Variants in UNC13A observed in about 807,000 individuals in gnomAD.
UNC13A encodes unc-13 homolog A.
A neutral mutation model predicts 219.7 loss-of-function variants in UNC13A; 61 were observed. That is an observed-to-expected ratio of 0.28 (90% CI 0.23 to 0.34). The LOEUF is 0.34. Among genes scored for constraint, UNC13A ranks in the 10% least tolerant of loss-of-function variants. The probability of loss-of-function intolerance (pLI) is 1.00; values close to 1 mark genes in which losing one functional copy is unlikely to be tolerated. For synonymous variants in UNC13A, 920 were observed against 884.6 expected (o/e 1.04, Z -0.71); for missense variants, 1,476 against 2,270.3 (o/e 0.65, Z 7.11).
rs770013699 is a variant in UNC13A at position 17,623,507 on chromosome 19, C to T, written c.4203+35G>A. The T allele has an allele frequency of 4.4e-5, 67 of 1,519,916 alleles. 1 individual carries two copies. The South Asian group carries it at 7.1e-4, about 16-fold the overall frequency. The allele number at this position is 1,519,916 out of a possible 1,614,324, so 94.2% of individuals were successfully genotyped here. ...GGGCCGAGTCCAGACACAGAGAGGA[C>T]GGACAGACAGACGGACAGACGGGAC... On this transcript the variant is annotated intron_variant, in intron 36 of 43. Coordinates refer to ENST00000519716, the MANE Select transcript of UNC13A (RefSeq NM_001080421.3).
intron 8 of UNC13A, among the ~76,000 whole-genome samples, chr19:17,663,056 C>T (rs1415614703): frequency 6.6e-6 from 1 of 151,868 alleles, no homozygotes; most frequent in Admixed American, 6.6e-5. Context: ...GCTGAGGTCC[C>T]TGTGTGCATC....
intron 8 of UNC13A, among the ~76,000 whole-genome samples, chr19:17,660,437 C>T (rs1456182150): frequency 6.6e-5 from 10 of 152,158 alleles, no homozygotes; most frequent in African/African-American, 2.2e-4. Context: ...TTTAACCCAA[C>T]GGTCTGTTTT....
At position 17,649,139 on chromosome 19, in the gene UNC13A, A is replaced by G. The variant is rs190764871; in HGVS notation, c.1525-156T>C. On this transcript the variant is annotated intron_variant, in intron 14 of 43. Coordinates refer to ENST00000519716, the MANE Select transcript of UNC13A (RefSeq NM_001080421.3). This position sits in a 1 kb window ranked among gnomAD's most constrained non-coding sequence, Gnocchi z 4.4. ...CGACAGCATCCGGGCCAGACCCAAC[A>G]AAGAATTAGGAGGTGACAGAGGCTT... Among the ~76,000 whole-genome samples, 3 of 152,270 alleles carry G rather than the reference A, an allele frequency of 2.0e-5. No homozygotes were observed. The East Asian group carries it at 5.8e-4, about 29-fold the overall frequency.
intron 5 of UNC13A, among the ~76,000 whole-genome samples, chr19:17,668,811 T>C (rs2079715977): frequency 6.6e-6 from 1 of 151,976 alleles, no homozygotes; most frequent in Non-Finnish European, 1.5e-5. Context: ...TTTTATTTTT[T>C]TAGAGACAGG....
chr19:17,617,777 G>A lies in UNC13A; in HGVS notation c.4483C>T (p.Arg1495Cys), dbSNP rs761070420. ...TGCGTGTAGAGCGACAGGGCATAGC[G>A]CAAGGATTGCAGGTCCGGGCTCTTC... ...LEKSPDLQSL[R>C]YALSLYTQAT... Residue 1495 changes from arginine to cysteine, a missense_variant, in exon 41 of 44, where the codon CGC becomes TGC. By Grantham distance (180) the Arg-to-Cys change is radical. Around this residue, in one of 14 missense-constraint regions of UNC13A, gnomAD observed 77 missense variants for 94.8 expected, o/e 0.81. Coordinates refer to ENST00000519716, the MANE Select transcript of UNC13A (RefSeq NM_001080421.3). 4 of 1,613,434 alleles carry A rather than the reference G, an allele frequency of 2.5e-6. No individual in the cohort carries two copies. Among genetic ancestry groups the A allele is most frequent in the South Asian group, 2.2e-5 (2 of 91,074 alleles).
At chr19:17,639,239 T>C in intron 24 of UNC13A, 22 bp from the exon 25 acceptor site, 3 of 1,613,270 alleles carry the variant, frequency 1.9e-6, no homozygotes, top group Non-Finnish European at 8.5e-7. Context: ...GAGAGAGGCA[T>C]AGGCGGCCAC....
chr19:17,612,019 C>T (rs570246240), intron 41 of UNC13A, 164 bp from the exon 42 acceptor site: 3 of 569,560 alleles, frequency 5.3e-6, no homozygotes, highest in Middle Eastern at 4.6e-4. Context: ...CTTGGGAAGC[C>T]AAGAATCCTG....
chr19:17,675,912 G>A, intron 2 of UNC13A, 100 bp downstream of exon 2: 1 of 1,434,840 alleles, frequency 7.0e-7, no homozygotes, highest in Admixed American at 2.0e-5. Context: ...AAGACATAAA[G>A]CCCAACTCTA....
At chr19:17,673,844 C>T (rs1953988672) in intron 3 of UNC13A, among the ~76,000 whole-genome samples, 1 of 151,454 alleles carries the variant, frequency 6.6e-6, no homozygotes, top group South Asian at 2.1e-4. Flanking sequence ...AACACCATCT[C>T]TACTTAAAAC....
At chr19:17,660,246 A>T (rs1381597343) in intron 8 of UNC13A, among the ~76,000 whole-genome samples, 1 of 151,242 alleles carries the variant, frequency 6.6e-6, no homozygotes, top group Non-Finnish European at 1.5e-5. Context: ...AGATGTTTCC[A>T]GCCAAATTGC....
chr19:17,642,804 G>A (rs1231206730), intron 20 of UNC13A, 41 bp downstream of exon 20: 3 of 1,518,070 alleles, frequency 2.0e-6, no homozygotes, highest in African/African-American at 1.4e-5. Flanking sequence ...CAGGAATGGT[G>A]AGTGGAAGTG....
intron 1 of UNC13A, among the ~76,000 whole-genome samples, chr19:17,683,542 C>G (rs1227161429): frequency 6.6e-6 from 1 of 151,954 alleles, no homozygotes. Flanking sequence ...CCTGTAATCC[C>G]AGCTACTCGG....
intron 30 of UNC13A, among the ~76,000 whole-genome samples, chr19:17,629,687 C>G (rs2076820709): frequency 6.6e-6 from 1 of 151,984 alleles, no homozygotes; most frequent in African/African-American, 2.4e-5. Context: ...ATGATCCCAA[C>G]CCTCAAACTC....
intron 8 of UNC13A, among the ~76,000 whole-genome samples, chr19:17,663,301 C>G (rs927392741): frequency 1.3e-5 from 2 of 151,100 alleles, no homozygotes; most frequent in Non-Finnish European, 2.9e-5. Flanking sequence ...CCCCCCCCAC[C>G]CCACCCCAAT....
chr19:17,654,037 C>G (rs1243021857), intron 11 of UNC13A, among the ~76,000 whole-genome samples: 1 of 151,556 alleles, frequency 6.6e-6, no homozygotes, highest in Non-Finnish European at 1.5e-5. Context: ...CCATGTTAGC[C>G]AGGATGGTCT....
chr19:17,637,195 G>A (rs909182808), intron 25 of UNC13A, among the ~76,000 whole-genome samples: 2 of 151,874 alleles, frequency 1.3e-5, no homozygotes, highest in Non-Finnish European at 2.9e-5. Context: ...AACTGGTCTC[G>A]AGCTCCTGGC....
At chr19:17,619,163 GT>G (rs2076700072) in intron 38 of UNC13A, 1 of 574,324 alleles carries the variant, frequency 1.7e-6, no homozygotes, top group Admixed American at 3.0e-5. Context: ...TGTGAGGATA[GT>G]CCCCCACCCT....
At chr19:17,609,883 C>T (rs912785928) in intron 43 of UNC13A, 57 bp downstream of exon 43, 17 of 1,603,696 alleles carry the variant, frequency 1.1e-5, no homozygotes, top group Non-Finnish European at 1.4e-5. Flanking sequence ...CTTTGGGGTT[C>T]ACCTGGCGGA....
At chr19:17,646,217 T>C in intron 17 of UNC13A, 106 bp from the exon 18 acceptor site, 1 of 1,497,608 alleles carries the variant, frequency 6.7e-7, no homozygotes, top group Non-Finnish European at 9.0e-7. Flanking sequence ...ACCTGCAGCA[T>C]GGCTGGAGAG....
Sources: gnomAD v4.1 joint callset for allele counts (sites outside exome capture counted in the v4.1 genomes callset) on GRCh38, gnomAD v4.1.1 for gene constraint, gnomAD v4.1.1 regional missense constraint, Gnocchi (gnomAD v3.1) non-coding constraint, MANE v1.5 for transcripts, NCBI Gene and HGNC (gene_info 2026-07-23, HGNC 2026-07-21) for gene names.